STK39: variants seen among roughly 807,000 people sequenced by gnomAD.
STK39 encodes STE20/SPS1-related proline-alanine-rich protein kinase.
Under a neutral mutation model 77.8 loss-of-function variants are expected in STK39, and 20 were observed. The ratio of observed to expected loss-of-function variants is 0.26; its 90% CI spans 0.18 to 0.37. The LOEUF is 0.37. STK39 is among the 10% of genes least tolerant of loss of function. The probability of loss-of-function intolerance (pLI) is 1.00; values close to 1 mark genes in which losing one functional copy is unlikely to be tolerated. For synonymous variants in STK39, 246 were observed against 234.1 expected, an observed-to-expected ratio of 1.05 and a Z score of -0.47; for missense variants, 479 against 656.5, an observed-to-expected ratio of 0.73 and a Z score of 2.95.
intron 17 of STK39, among the ~76,000 whole-genome samples, chr2:167,960,757 A>G (rs1183899160): frequency 6.6e-6 from 1 of 152,016 alleles, no homozygotes; most frequent in Non-Finnish European, 1.5e-5. Context: ...AATCACTAGG[A>G]GAGTGTGAGG....
chr2:168,196,040 A>G (rs1316014957), intron 1 of STK39, among the ~76,000 whole-genome samples: 1 of 152,196 alleles, frequency 6.6e-6, no homozygotes, highest in African/African-American at 2.4e-5. Flanking sequence ...AAGGAATTCT[A>G]CCACTATAAA....
intron 1 of STK39, among the ~76,000 whole-genome samples, chr2:168,185,954 T>G (rs1236183562): frequency 6.6e-6 from 1 of 152,170 alleles, no homozygotes; most frequent in Non-Finnish European, 1.5e-5. Flanking sequence ...TCTGCAGAAG[T>G]TAACAGGGAT....
chr2:168,042,368 A>G (rs1685127625), intron 14 of STK39, among the ~76,000 whole-genome samples: 1 of 152,134 alleles, frequency 6.6e-6, no homozygotes, highest in Non-Finnish European at 1.5e-5. Flanking sequence ...TCTACGGAAA[A>G]GCCCTCCCTT....
chr2:167,983,413 C>A (rs989089913), intron 16 of STK39, among the ~76,000 whole-genome samples: 2 of 141,354 alleles, frequency 1.4e-5, no homozygotes, highest in Non-Finnish European at 3.0e-5. Flanking sequence ...CAGATTGCGC[C>A]GTTGCACTCC....
intron 1 of STK39, among the ~76,000 whole-genome samples, chr2:168,212,702 CT>C: frequency 6.6e-6 from 1 of 152,108 alleles, no homozygotes; most frequent in East Asian, 1.9e-4. Context: ...CATTTCAGAC[CT>C]TTTTTGTAAA....
intron 14 of STK39, among the ~76,000 whole-genome samples, chr2:168,050,854 G>A (rs563433343): frequency 1.8e-4 from 27 of 152,204 alleles, no homozygotes; most frequent in South Asian, 1.5e-3. Flanking sequence ...GAAATTCACC[G>A]GACAGCAGAG....
At chr2:168,084,025 C>CATAT (rs1470685423) in intron 10 of STK39, among the ~76,000 whole-genome samples, 7 of 69,728 alleles carry the variant, frequency 1.0e-4, no homozygotes, top group Non-Finnish European at 1.9e-4. Flanking sequence ...CTAATGTTAA[C>CATAT]ATATCAAGTT....
chr2:168,247,246 C>A lies in STK39; in HGVS notation c.190G>T (p.Glu64Ter). Residue 64 changes from glutamate to a stop codon, truncating the protein, a stop_gained, in exon 1 of 18, where the codon GAG (glutamate) becomes TAG (stop). Transcript: ENST00000355999. LOFTEE classifies it high-confidence loss of function. ...VGWPICRDAY[E>*]LQEVIGSGAT... The stretch of plus-strand genomic sequence containing the variant: ...CACTGACCGATAACCTCCTGCAGCT[C>A]GTACGCGTCCCTGCAGATGGGCCAG... 2 of 1,153,876 alleles carry A rather than the reference C, an allele frequency of 1.7e-6. No homozygotes were observed. Among genetic ancestry groups the A allele is most frequent in the South Asian group, 3.0e-5 (1 of 32,902 alleles). The allele number at this position is 1,153,876 out of a possible 1,614,324, so 71.5% of individuals were successfully genotyped here.
chr2:168,201,454 T>A (rs146860452), intron 1 of STK39, among the ~76,000 whole-genome samples: 22 of 152,334 alleles, frequency 1.4e-4, no homozygotes, highest in African/African-American at 5.3e-4. Context: ...CAAACATTCA[T>A]TTCAGGAGCT....
At position 168,162,601 on chromosome 2, in the gene STK39, T is replaced by C. The variant is rs1688602413; in HGVS notation, c.573-759A>G. Among the ~76,000 whole-genome samples the C allele has an allele frequency of 2.6e-5, 4 of 152,136 alleles. No homozygotes were observed. In the South Asian group the frequency reaches 8.3e-4, roughly 31 times the overall value. ...AATGAACTTCTCTCTGGTGAGAGACTGATTATAAATACTAATTATAATAAT... is the reference window on the plus strand; with the variant it reads ...AATGAACTTCTCTCTGGTGAGAGACCGATTATAAATACTAATTATAATAAT... On this transcript the variant is annotated intron_variant, in intron 4 of 17. Coordinates refer to ENST00000355999, the MANE Select transcript of STK39 (RefSeq NM_013233.3).
At chr2:168,095,619 CTTTCT>C (rs1391136395) in intron 10 of STK39, among the ~76,000 whole-genome samples, 37 of 70,152 alleles carry the variant, frequency 5.3e-4, no homozygotes, top group African/African-American at 1.9e-3. Context: ...TCGTGTATCT[CTTTCT>C]TTTTTTTTTT....
intron 4 of STK39, among the ~76,000 whole-genome samples, chr2:168,162,546 T>C (rs1171234075): frequency 6.6e-6 from 1 of 152,218 alleles, no homozygotes; most frequent in Non-Finnish European, 1.5e-5. Flanking sequence ...AAATTTGGGA[T>C]GCAATTCCAA....
At chr2:167,985,064 C>T (rs1683522170) in intron 16 of STK39, among the ~76,000 whole-genome samples, 1 of 152,196 alleles carries the variant, frequency 6.6e-6, no homozygotes, top group Non-Finnish European at 1.5e-5. Flanking sequence ...TCTAAGACAA[C>T]TGCCTGCATG....
chr2:168,238,916 C>T (rs1023815537), intron 1 of STK39, among the ~76,000 whole-genome samples: 4 of 151,990 alleles, frequency 2.6e-5, no homozygotes, highest in Non-Finnish European at 4.4e-5. Flanking sequence ...TAGAGGAAAA[C>T]GTATGACTTC....
At chr2:168,217,686 A>G (rs1208432112) in intron 1 of STK39, among the ~76,000 whole-genome samples, 1 of 152,258 alleles carries the variant, frequency 6.6e-6, no homozygotes, top group Non-Finnish European at 1.5e-5. Flanking sequence ...TACCTAAGAC[A>G]AAGTAAATGC....
intron 10 of STK39, among the ~76,000 whole-genome samples, chr2:168,092,919 C>A (rs577678035): frequency 6.6e-6 from 1 of 152,190 alleles, no homozygotes; most frequent in Non-Finnish European, 1.5e-5. Flanking sequence ...TCCCAGGGTA[C>A]GGAATCTTTC....
At chr2:168,070,439 ATTTCT>A (rs765271599) in intron 12 of STK39, among the ~76,000 whole-genome samples, 23 of 150,626 alleles carry the variant, frequency 1.5e-4, no homozygotes, top group Non-Finnish European at 2.8e-4. Context: ...ATACTTCGAT[ATTTCT>A]TTTTTTTTTT....
chr2:168,171,879 A>T (rs1688838922), intron 2 of STK39, among the ~76,000 whole-genome samples: 1 of 109,202 alleles, frequency 9.2e-6, no homozygotes, highest in African/African-American at 3.7e-5. Context: ...CACACACAAA[A>T]CATTATTTCT....
chr2:168,044,049 G>A (rs990449609), intron 14 of STK39, among the ~76,000 whole-genome samples: 4 of 152,200 alleles, frequency 2.6e-5, no homozygotes, highest in Admixed American at 6.5e-5. Context: ...TCTCTGGGGA[G>A]GTTGTGTGAA....
Sources: gnomAD v4.1 joint callset for allele counts (sites outside exome capture counted in the v4.1 genomes callset) on GRCh38, gnomAD v4.1.1 for gene constraint, MANE v1.5 for transcripts, NCBI Gene and HGNC (gene_info 2026-07-23, HGNC 2026-07-21) for gene names.